Variants in BNIP3L observed in about 807,000 individuals in gnomAD.
BNIP3L encodes BCL2 interacting protein 3 like.
BNIP3L carries 10 observed loss-of-function variants against 25.5 expected under a neutral mutation model. That is an observed-to-expected ratio of 0.39 (90% CI 0.24 to 0.67). The LOEUF is 0.67. Ranked by LOEUF, BNIP3L falls within the 30% of genes least tolerant of loss-of-function variation. The probability of loss-of-function intolerance (pLI) is 0.45; values close to 1 mark genes in which losing one functional copy is unlikely to be tolerated. For synonymous variants in BNIP3L, 113 were observed against 101.2 expected (o/e 1.12, Z -0.70); for missense variants, 215 against 270.9 (o/e 0.79, Z 1.45).
At chr8:26,406,618 C>T (rs1314483011) in intron 3 of BNIP3L, among the ~76,000 whole-genome samples, 2 of 152,100 alleles carry the variant, frequency 1.3e-5, no homozygotes, top group African/African-American at 4.8e-5. Context: ...CCCGGGAGTT[C>T]AAGACCAGGC....
rs1187614795 is a variant in BNIP3L, at chr8:26,411,034, TTTTAA to T, written c.*627_*631del. ...TTTGTCTAAGCCTCCTAATAGCGTCTTTTAATTTATAGGAGGCAAACTGTATAAAT... is the reference window on the plus strand; with the variant it reads ...TTTGTCTAAGCCTCCTAATAGCGTCTTTTATAGGAGGCAAACTGTATAAAT... On this transcript the variant is annotated 3_prime_UTR_variant, in exon 6 of 6. Transcript: ENST00000380629. 2.0e-5 allele frequency: 3 copies of T among 152,498 alleles called. No homozygotes were observed. The highest frequency in any genetic ancestry group is 6.5e-5 in the Admixed American group (1 of 15,300). 9.4% of individuals were successfully genotyped at this position (152,498 alleles called of 1,614,324 possible). A position where few individuals can be genotyped will look rare whatever the true frequency, so the allele number is the denominator to read the frequency against.
rs755427911 is a variant in BNIP3L, at chr8:26,411,948, AAACT to A, written c.*1541_*1544del. On this transcript the variant is annotated 3_prime_UTR_variant, in exon 6 of 6. Transcript: ENST00000380629. Reference sequence around the variant, plus strand: ...GACAGACAGGTTTGCCAGTTTGCAGAAACTAACTCTTTTCTCACATCAACATTTG... The same window carrying A: ...GACAGACAGGTTTGCCAGTTTGCAGAAACTCTTTTCTCACATCAACATTTG... 18 of 152,684 alleles carry A rather than the reference AAACT, an allele frequency of 1.2e-4. No homozygotes were observed. Among genetic ancestry groups the A allele is most frequent in the Non-Finnish European group, 1.8e-4 (12 of 68,038 alleles). The allele number at this position is 152,684 out of a possible 1,614,324, so 9.5% of individuals were successfully genotyped here.
chr8:26,395,172 A>T (rs746823897), intron 2 of BNIP3L, 58 bp from the exon 3 acceptor site: 3 of 1,565,038 alleles, frequency 1.9e-6, no homozygotes, highest in Non-Finnish European at 2.6e-6. Context: ...TCTAGTAGAG[A>T]CTAAGTCATT....
chr8:26,387,765 T>A (rs904199357), intron 1 of BNIP3L, among the ~76,000 whole-genome samples: 2 of 152,232 alleles, frequency 1.3e-5, no homozygotes, highest in Non-Finnish European at 2.9e-5. Context: ...TTAAAGGAAA[T>A]CTACACTTTT....
chr8:26,394,571 C>T (rs895628245), intron 2 of BNIP3L, among the ~76,000 whole-genome samples: 5 of 152,078 alleles, frequency 3.3e-5, no homozygotes, highest in African/African-American at 1.2e-4. Context: ...TATAAACCCT[C>T]CAAGTTAATA....
chr8:26,408,300 G>A lies in BNIP3L; in HGVS notation c.535G>A (p.Gly179Ser), dbSNP rs774809502. The A allele has an allele frequency of 1.9e-6, 3 of 1,614,024 alleles. No individual in the cohort carries two copies. Among genetic ancestry groups the A allele is most frequent in the Non-Finnish European group, 2.5e-6 (3 of 1,179,938 alleles). ...GAAAAGTGGAGCCATGAAGAAAGGG[G>A]GTATTTTCTCCGCAGAATTTCTGAA... ...MRKSGAMKKG[G>S]IFSAEFLKVF... Residue 179 changes from glycine (G) to serine (S), a missense_variant, in exon 5 of 6, where the codon GGT becomes AGT. Coordinates refer to ENST00000380629, the MANE Select transcript of BNIP3L (RefSeq NM_004331.3).
At chr8:26,385,116 T>A (rs1805964288) in intron 1 of BNIP3L, among the ~76,000 whole-genome samples, 1 of 152,176 alleles carries the variant, frequency 6.6e-6, no homozygotes, top group Non-Finnish European at 1.5e-5. Context: ...CTGGTGTGTG[T>A]GTCTTATTTT....
At chr8:26,392,482 T>C (rs144447361) in intron 2 of BNIP3L, among the ~76,000 whole-genome samples, 8 of 152,354 alleles carry the variant, frequency 5.3e-5, no homozygotes, top group African/African-American at 1.7e-4. Flanking sequence ...AGTTAAATCA[T>C]GTCCAACTTC....
In BNIP3L at chr8:26,409,363, G is replaced by C. The variant is rs575998511; in HGVS notation, c.611+987G>C. Among the ~76,000 whole-genome samples the C allele has an allele frequency of 1.1e-4, 16 of 152,236 alleles. No individual in the cohort carries two copies. In the East Asian group the frequency reaches 3.1e-3, roughly 29 times the overall value. On this transcript the variant is annotated intron_variant, in intron 5 of 5. Coordinates refer to ENST00000380629, the MANE Select transcript of BNIP3L (RefSeq NM_004331.3). ...GCCCAGTGGGTCATTTTCAGTATAA[G>C]ATATGCAGAAGATGGGGTCATCCTT...
At chr8:26,409,657 T>C (rs1806577416) in intron 5 of BNIP3L, among the ~76,000 whole-genome samples, 1 of 152,238 alleles carries the variant, frequency 6.6e-6, no homozygotes, top group African/African-American at 2.4e-5. Flanking sequence ...CCTTAAGCGA[T>C]TGGTGTCTAT....
intron 3 of BNIP3L, among the ~76,000 whole-genome samples, chr8:26,404,872 AC>A (rs1806464309): frequency 6.6e-6 from 1 of 152,230 alleles, no homozygotes; most frequent in Non-Finnish European, 1.5e-5. Flanking sequence ...CACAAATCTT[AC>A]GTAATTAGAT....
Position 26,410,805 on chromosome 8 carries a change from T to C in BNIP3L, c.*393T>C, listed in dbSNP as rs1806607057. The C allele has an allele frequency of 6.1e-6, 1 of 163,592 alleles. No individual in the cohort carries two copies. Among genetic ancestry groups the C allele is most frequent in the South Asian group, 1.7e-4 (1 of 5,968 alleles). 10.1% of individuals were successfully genotyped at this position (163,592 alleles called of 1,614,324 possible). On this transcript the variant is annotated 3_prime_UTR_variant, in exon 6 of 6. Transcript: ENST00000380629. ...TTGCAACATAACTACCATCTCTCTC[T>C]TAAAACGAGATCAGGTTAGCAAATG... is the stretch of plus-strand genomic sequence containing the variant.
chr8:26,383,423 C>T (rs1805901508), intron 1 of BNIP3L, 193 bp downstream of exon 1: 14 of 1,416,350 alleles, frequency 9.9e-6, no homozygotes, highest in South Asian at 6.0e-5. Flanking sequence ...CTCTCTGTTG[C>T]CTCCTGGGGT....
intron 1 of BNIP3L, among the ~76,000 whole-genome samples, chr8:26,388,100 C>T (rs1438957544): frequency 6.6e-6 from 1 of 152,128 alleles, no homozygotes; most frequent in Non-Finnish European, 1.5e-5. Context: ...CTGCAAGTCT[C>T]CATGTGAAAC....
intron 3 of BNIP3L, among the ~76,000 whole-genome samples, chr8:26,396,988 A>G (rs1200502669): frequency 2.0e-5 from 1 of 49,314 alleles, no homozygotes; most frequent in Non-Finnish European, 4.0e-5. Flanking sequence ...GACCAAATCT[A>G]CGTCTGATTG....
intron 3 of BNIP3L, among the ~76,000 whole-genome samples, chr8:26,405,125 C>A (rs559645128): frequency 1.3e-5 from 2 of 151,686 alleles, no homozygotes; most frequent in East Asian, 3.9e-4. Context: ...AAATTCCATC[C>A]TCATGAAAAA....
At chr8:26,401,999 A>G (rs181639067) in intron 3 of BNIP3L, among the ~76,000 whole-genome samples, 50 of 152,308 alleles carry the variant, frequency 3.3e-4, no homozygotes, top group African/African-American at 1.2e-3. Flanking sequence ...GGGTGCTTGA[A>G]AAATGTTTAA....
At position 26,412,803 on chromosome 8, in the gene BNIP3L, TA is replaced by T. The variant is rs944943172; in HGVS notation, c.*2392del. 6 of 152,590 alleles carry T rather than the reference TA, an allele frequency of 3.9e-5. No individual in the cohort carries two copies. Among genetic ancestry groups the T allele is most frequent in the African/African-American group, 1.4e-4 (6 of 41,472 alleles). 9.5% of individuals were successfully genotyped at this position (152,590 alleles called of 1,614,324 possible). A position where few individuals can be genotyped will look rare whatever the true frequency, so the allele number is the denominator to read the frequency against. On this transcript the variant is annotated 3_prime_UTR_variant, in exon 6 of 6. Transcript: ENST00000380629. ...ACAAAAAGGCAGGCTTCATTTTTCA[TA>T]TGTTTGATGAAAACTGGCTCAAGAT...
At chr8:26,391,830 T>C (rs573198335) in intron 2 of BNIP3L, among the ~76,000 whole-genome samples, 1 of 152,334 alleles carries the variant, frequency 6.6e-6, no homozygotes, top group East Asian at 1.9e-4. Context: ...ATGTTGACGT[T>C]GCAAAGGGCA....
Sources: allele counts gnomAD v4.1 joint callset (sites outside exome capture counted in the v4.1 genomes callset), GRCh38; gene constraint gnomAD v4.1.1; transcripts MANE v1.5; gene names NCBI Gene and HGNC (gene_info 2026-07-23, HGNC 2026-07-21).